Variants in RHOBTB3 observed in about 807,000 individuals in gnomAD.
RHOBTB3 encodes Rho related BTB domain containing 3, also known as rho-related BTB domain-containing protein 3.
A neutral mutation model predicts 67.2 loss-of-function variants in RHOBTB3; 47 were observed. The ratio of observed to expected loss-of-function variants is 0.70; its 90% CI spans 0.55 to 0.89. The LOEUF is 0.89. Among genes scored for constraint, RHOBTB3 ranks in the 40% least tolerant of loss-of-function variants. The pLI is 0.00. For missense variants in RHOBTB3, 631 were observed against 750.0 expected (o/e 0.84, Z 1.85); for synonymous variants, 273 against 274.2 (o/e 1.00, Z 0.04).
At chr5:95,734,240 C>T (rs548814806) in intron 2 of RHOBTB3, among the ~76,000 whole-genome samples, 1 of 152,266 alleles carries the variant, frequency 6.6e-6, no homozygotes, top group East Asian at 1.9e-4. Flanking sequence ...ATACTTCATA[C>T]ATGCAGCCCC....
At chr5:95,742,252 C>T (rs1755622104) in intron 3 of RHOBTB3, among the ~76,000 whole-genome samples, 1 of 152,172 alleles carries the variant, frequency 6.6e-6, no homozygotes, top group African/African-American at 2.4e-5. Context: ...ATTATGGGCA[C>T]TGATGCCCTT....
rs1247507369 is a variant in RHOBTB3 at position 95,742,530 on chromosome 5, G to A, written c.415+5455G>A. ...CTTTTGGGACTTTTGTTAGACTGAT[G>A]TTGGAACTTCTGGATCTCTTCTCTG... On this transcript the variant is annotated intron_variant, in intron 3 of 11. Transcript: ENST00000379982. Among the ~76,000 whole-genome samples the A allele has an allele frequency of 5.9e-5, 9 of 152,258 alleles. No individual in the cohort carries two copies. In the East Asian group the frequency reaches 1.7e-3, roughly 29 times the overall value.
chr5:95,729,151 A>G (rs919442227), upstream of RHOBTB3, among the ~76,000 whole-genome samples: 3 of 152,250 alleles, frequency 2.0e-5, no homozygotes, highest in African/African-American at 7.2e-5. Flanking sequence ...CTGCCTATGG[A>G]GTAGCCATTA....
chr5:95,770,704 G>C (rs1443004880), intron 8 of RHOBTB3: 1 of 472,960 alleles, frequency 2.1e-6, no homozygotes, highest in Non-Finnish European at 4.3e-6. Context: ...TGGCATTTCT[G>C]ATTCCTAGAA....
chr5:95,791,445 G>A (rs1305234475), intron 11 of RHOBTB3, among the ~76,000 whole-genome samples: 1 of 152,164 alleles, frequency 6.6e-6, no homozygotes, highest in Non-Finnish European at 1.5e-5. Flanking sequence ...TTTGCTGGCT[G>A]CCAGAGCTCA....
chr5:95,782,586 A>AT (rs1359003246), intron 9 of RHOBTB3: 1 of 152,218 alleles, frequency 6.6e-6, no homozygotes, highest in African/African-American at 2.4e-5. Context: ...AGGCAGGTGG[A>AT]TCACAAGGTC....
chr5:95,789,691 G>GGAGA (rs1054377230), intron 11 of RHOBTB3: 1 of 151,980 alleles, frequency 6.6e-6, no homozygotes, highest in African/African-American at 2.4e-5. Context: ...GTGAGGAGAA[G>GGAGA]GAGAGAGAGA....
chr5:95,758,081 G>A (rs1002888096), intron 6 of RHOBTB3, among the ~76,000 whole-genome samples: 9 of 152,078 alleles, frequency 5.9e-5, no homozygotes, highest in Admixed American at 4.6e-4. Flanking sequence ...AATTATTATT[G>A]ACTACTTTCA....
At chr5:95,782,393 G>A (rs552339064) in intron 9 of RHOBTB3, 2 of 152,322 alleles carry the variant, frequency 1.3e-5, no homozygotes, top group African/African-American at 4.8e-5. Context: ...GAAACAGGGA[G>A]TTAGTGTTTA....
At chr5:95,726,113 C>A (rs568679977), upstream of RHOBTB3, among the ~76,000 whole-genome samples, 1 of 152,296 alleles carries the variant, frequency 6.6e-6, no homozygotes, top group East Asian at 1.9e-4. Flanking sequence ...TCAGTTTAAC[C>A]TTATAGTAAA....
intron 2 of RHOBTB3, among the ~76,000 whole-genome samples, 171 bp from the exon 3 acceptor site, chr5:95,736,718 G>A (rs1755461981): frequency 1.3e-5 from 2 of 152,218 alleles, no homozygotes; most frequent in African/African-American, 2.4e-5. Flanking sequence ...GGCTACATGA[G>A]TAAGTAAACA....
At position 95,725,635 on chromosome 5, in the gene RHOBTB3, CTT is replaced by C. The variant is rs537971243; in HGVS notation, n.134-6220_134-6219del. ...TGTGTGTTGTATTGCACAACAAAAA[CTT>C]TTTCAAGCTGCTATAAAATTCTTGT... On this transcript the variant is annotated intron_variant and non_coding_transcript_variant, in intron 1 of 5. Transcript: ENST00000504949. Among the ~76,000 whole-genome samples, 105 of 152,304 alleles carry C rather than the reference CTT, an allele frequency of 6.9e-4. 2 individuals carry two copies. In the East Asian group the frequency reaches 0.014, roughly 21 times the overall value.
At chr5:95,782,959 G>A (rs1017052081) in intron 9 of RHOBTB3, among the ~76,000 whole-genome samples, 3 of 150,952 alleles carry the variant, frequency 2.0e-5, no homozygotes, top group Non-Finnish European at 4.4e-5. Flanking sequence ...TTTAGCTAAC[G>A]GAAAGATTTA....
At chr5:95,763,802 T>TTG (rs60736311) in intron 7 of RHOBTB3, among the ~76,000 whole-genome samples, 182 bp downstream of exon 7, 10,242 of 148,896 alleles carry the variant, frequency 0.069, 387 homozygotes, top group Middle Eastern at 0.15. Flanking sequence ...GTATCTTAGA[T>TTG]TGTGTGTGTG....
chr5:95,741,764 A>G (rs941626034), intron 3 of RHOBTB3, among the ~76,000 whole-genome samples: 2 of 152,068 alleles, frequency 1.3e-5, no homozygotes, highest in African/African-American at 4.8e-5. Context: ...TTTAGTTTGC[A>G]TAATTCCTTC....
At chr5:95,760,051 AC>A (rs1245929087) in intron 6 of RHOBTB3, among the ~76,000 whole-genome samples, 1 of 152,008 alleles carries the variant, frequency 6.6e-6, no homozygotes, top group Non-Finnish European at 1.5e-5. Flanking sequence ...GTGTTATGTC[AC>A]CATGAACATT....
At chr5:95,751,551 T>G (rs1250196948) in intron 4 of RHOBTB3, 1 of 152,054 alleles carries the variant, frequency 6.6e-6, no homozygotes, top group African/African-American at 2.4e-5. Context: ...AAAAAAACTT[T>G]TATTTTAGGT....
chr5:95,718,157 C>A (rs2112740846), intron 1 of RHOBTB3, among the ~76,000 whole-genome samples: 1 of 152,218 alleles, frequency 6.6e-6, no homozygotes, highest in South Asian at 2.1e-4. Context: ...GATACTTTCC[C>A]TCTTTTTTTT....
At chr5:95,792,942 G>A in intron 11 of RHOBTB3, 117 bp from the exon 12 acceptor site, 2 of 641,114 alleles carry the variant, frequency 3.1e-6, no homozygotes, top group Non-Finnish European at 5.4e-6. Context: ...TGTGGGAATG[G>A]TAGGAGATGT....
Sources: allele counts gnomAD v4.1 joint callset (sites outside exome capture counted in the v4.1 genomes callset), GRCh38; gene constraint gnomAD v4.1.1; transcripts MANE v1.5; gene names NCBI Gene and HGNC (gene_info 2026-07-23, HGNC 2026-07-21).